The following DPP6 variants were observed in gnomAD, a reference collection of about 807,000 sequenced individuals.
The protein encoded by DPP6 is A-type potassium channel modulatory protein DPP6.
A neutral mutation model predicts 122.6 loss-of-function variants in DPP6; 69 were observed. That is an observed-to-expected ratio of 0.56 (90% CI 0.46 to 0.69). The LOEUF is 0.69. Among genes scored for constraint, DPP6 ranks in the 30% least tolerant of loss-of-function variants. The pLI, the probability that DPP6 is intolerant of heterozygous loss-of-function variation, is 0.00. For synonymous variants in DPP6, 418 were observed against 433.1 expected, an observed-to-expected ratio of 0.97 and a Z score of 0.43; for missense variants, 928 against 1,116.9, an observed-to-expected ratio of 0.83 and a Z score of 2.41.
the DPP6 span, among the ~76,000 whole-genome samples, chr7:153,864,091 T>TTGAA: frequency 2.0e-5 from 3 of 152,198 alleles, no homozygotes; most frequent in African/African-American, 7.2e-5. Context: ...TTCTCTTGGG[T>TTGAA]ATATACTCAG....
At chr7:153,991,588 C>A (rs1797179979) in intron 1 of DPP6, among the ~76,000 whole-genome samples, 1 of 152,196 alleles carries the variant, frequency 6.6e-6, no homozygotes, top group Admixed American at 6.5e-5. Flanking sequence ...TTGCTTAAAT[C>A]CAGTGGCCTC....
intron 1 of DPP6, among the ~76,000 whole-genome samples, chr7:154,012,342 A>G (rs2129049166): frequency 6.6e-6 from 1 of 152,368 alleles, no homozygotes; most frequent in South Asian, 2.1e-4. Context: ...AACCAGATGG[A>G]AATTCTAGAA....
chr7:154,795,893 G>T lies in DPP6; in HGVS notation c.1299+10G>T, dbSNP rs781375116. On this transcript the variant is annotated intron_variant, in intron 12 of 25. Transcript: ENST00000377770. Reference sequence around the variant, plus strand: ...CTGGCTCCACAGACAGGTAACTACTGCATGTCCGGGTCCCCACTGTCACCT... The same window carrying T: ...CTGGCTCCACAGACAGGTAACTACTTCATGTCCGGGTCCCCACTGTCACCT... The T allele has an allele frequency of 1.9e-6, 3 of 1,608,538 alleles. No homozygotes were observed. In the African/African-American group the frequency reaches 4.0e-5, roughly 22 times the overall value.
intron 1 of DPP6, among the ~76,000 whole-genome samples, chr7:154,389,907 C>A (rs999221884): frequency 2.6e-5 from 4 of 152,310 alleles, no homozygotes; most frequent in African/African-American, 9.6e-5. Flanking sequence ...TAGTCAGTGA[C>A]ATTATAAGCA....
At chr7:154,216,344 C>A (rs1368846232) in intron 1 of DPP6, among the ~76,000 whole-genome samples, 2 of 152,184 alleles carry the variant, frequency 1.3e-5, no homozygotes, top group Non-Finnish European at 2.9e-5. Flanking sequence ...TCTGGAAAAG[C>A]ACTGGACAGT....
At chr7:154,139,490 T>C (rs1389758166) in intron 1 of DPP6, among the ~76,000 whole-genome samples, 1 of 150,726 alleles carries the variant, frequency 6.6e-6, no homozygotes, top group Non-Finnish European at 1.5e-5. Flanking sequence ...GCCAGTCTCT[T>C]CTGGAAACAT....
intron 3 of DPP6, among the ~76,000 whole-genome samples, chr7:154,488,371 T>A (rs1157791565): frequency 6.6e-6 from 1 of 151,612 alleles, no homozygotes; most frequent in African/African-American, 2.4e-5. Context: ...GTGCCTGTAG[T>A]CCCAGCTACT....
At chr7:153,788,163 A>C in the DPP6 span, among the ~76,000 whole-genome samples, 1 of 152,374 alleles carries the variant, frequency 6.6e-6, no homozygotes, top group African/African-American at 2.4e-5. Flanking sequence ...TGACTGTATT[A>C]AAGCTTGTAG....
At chr7:154,731,292 C>T (rs1842329360) in intron 8 of DPP6, among the ~76,000 whole-genome samples, 2 of 152,142 alleles carry the variant, frequency 1.3e-5, no homozygotes, top group Non-Finnish European at 1.5e-5. Flanking sequence ...AAGCTGTGTA[C>T]GTGGGAAACA....
At chr7:154,397,360 T>C (rs1443889381) in intron 1 of DPP6, among the ~76,000 whole-genome samples, 1 of 152,092 alleles carries the variant, frequency 6.6e-6, no homozygotes, top group Non-Finnish European at 1.5e-5. Flanking sequence ...ACAATCTGCC[T>C]GAGAAAGGAA....
the DPP6 span, among the ~76,000 whole-genome samples, chr7:153,847,057 C>T: frequency 6.6e-6 from 1 of 152,164 alleles, no homozygotes; most frequent in Admixed American, 6.5e-5. Context: ...GCTTTATCTT[C>T]AAGTCTATAG....
intron 1 of DPP6, among the ~76,000 whole-genome samples, chr7:154,284,657 C>G (rs1230856224): frequency 6.6e-6 from 1 of 152,194 alleles, no homozygotes; most frequent in Non-Finnish European, 1.5e-5. Flanking sequence ...GAGTTCAAGA[C>G]CAGCCTGACC....
Position 154,853,811 on chromosome 7 carries a change from C to T in DPP6, c.1698C>T (p.Asn566=), listed in dbSNP as rs893393708. The change falls in exon 17 of 26, where the codon AAC becomes AAT. Residue 566 remains asparagine, a synonymous_variant. Transcript: ENST00000377770. ...GPGVPMVTVH[N]TTDKKKMFDL... ...GTGTTCCTATGGTGACGGTGCACAA[C>T]ACAACAGATAAGAAAAGTAAGTGCT... 1.2e-6 allele frequency: 2 copies of T among 1,613,898 alleles called. No homozygotes were observed. The highest frequency in any genetic ancestry group is 1.7e-5 in the Admixed American group (1 of 60,026).
chr7:154,594,121 G>A (rs955291070), intron 5 of DPP6, among the ~76,000 whole-genome samples: 5 of 152,094 alleles, frequency 3.3e-5, no homozygotes, highest in East Asian at 1.9e-4. Context: ...CTAGCAGTCC[G>A]GTCATTCTTA....
rs1489811189 is a variant in DPP6, at chr7:153,920,561, C to CTTTTTTTTTTTTTTTTTT, written c.51+32828_51+32829insTTTTTTTTTTTTTTTTTT. Among the ~76,000 whole-genome samples, 16 of 62,468 alleles carry CTTTTTTTTTTTTTTTTTT rather than the reference C, an allele frequency of 2.6e-4. 1 individual carries two copies. Among genetic ancestry groups the CTTTTTTTTTTTTTTTTTT allele is most frequent in the Non-Finnish European group, 3.8e-4 (13 of 34,580 alleles). 41.0% of individuals were successfully genotyped at this position (62,468 alleles called of 152,430 possible). On this transcript the variant is annotated intron_variant, in intron 1 of 25. Transcript: ENST00000404039. ...TAGTCAACCTTTTTCTTTTATCTCT[C>CTTTTTTTTTTTTTTTTTT]TCTTTTTTTTTTTTTTTTTGAGATG...
intron 1 of DPP6, among the ~76,000 whole-genome samples, chr7:154,253,142 A>T (rs917043058): frequency 6.6e-6 from 1 of 152,252 alleles, no homozygotes; most frequent in African/African-American, 2.4e-5. Flanking sequence ...TCATTGTCTG[A>T]GGAACCATTC....
chr7:154,587,713 G>C, intron 5 of DPP6: 1 of 1,554,022 alleles, frequency 6.4e-7, no homozygotes, highest in Admixed American at 2.0e-5. Context: ...CTCATTAGCA[G>C]TAAGTCAAGC....
the DPP6 span, among the ~76,000 whole-genome samples, chr7:153,879,086 C>T: frequency 1.3e-4 from 20 of 152,236 alleles, no homozygotes; most frequent in East Asian, 3.5e-3. Flanking sequence ...TAGCAGTGAA[C>T]GCCAGAGAAG....
In DPP6 at chr7:154,399,856, GGAAGAGACT is replaced by G. The variant is rs1255642327; in HGVS notation, c.244-46354_244-46346del. On this transcript the variant is annotated intron_variant, in intron 1 of 25. Coordinates refer to ENST00000377770, the MANE Select transcript of DPP6 (RefSeq NM_130797.4). ...CAGGTGGAGGGTAGGGGTGCTTCAT[GGAAGAGACT>G]GAATTTTAACTTAGTCTTGAATAAT... 2.0e-5 allele frequency among the ~76,000 whole-genome samples: 3 copies of G among 152,144 alleles called. No individual in the cohort carries two copies. The East Asian group carries it at 5.8e-4, about 29-fold the overall frequency.
Sources: gnomAD v4.1 joint callset for allele counts (sites outside exome capture counted in the v4.1 genomes callset) on GRCh38, gnomAD v4.1.1 for gene constraint, MANE v1.5 for transcripts, NCBI Gene and HGNC (gene_info 2026-07-23, HGNC 2026-07-21) for gene names.